MTIF2: variants seen among roughly 807,000 people sequenced by gnomAD.
MTIF2 encodes mitochondrial translational initiation factor 2, also known as translation initiation factor IF-2, mitochondrial.
MTIF2 carries 71 observed loss-of-function variants against 83.5 expected under a neutral mutation model. The observed-to-expected ratio is 0.85, with a 90% CI of 0.70 to 1.04. The LOEUF (loss-of-function observed/expected upper bound fraction) is 1.04, where lower values mean the gene tolerates loss of function less well. MTIF2 is among the 50% of genes least tolerant of loss of function. The probability of loss-of-function intolerance (pLI) is 0.00; values close to 1 mark genes in which losing one functional copy is unlikely to be tolerated. For missense variants in MTIF2, 957 were observed against 846.5 expected (o/e 1.13, Z -1.62); for synonymous variants, 319 against 287.1 (o/e 1.11, Z -1.12).
chr2:55,240,645 G>A (rs1013104095), intron 13 of MTIF2, among the ~76,000 whole-genome samples: 6 of 152,094 alleles, frequency 3.9e-5, no homozygotes, highest in African/African-American at 9.7e-5. Context: ...AAACTAGTAC[G>A]TTTTCCAATT....
chr2:55,254,427 T>G (rs1009273160), intron 6 of MTIF2, among the ~76,000 whole-genome samples: 3 of 152,202 alleles, frequency 2.0e-5, no homozygotes, highest in African/African-American at 7.2e-5. Context: ...GAATCAAATT[T>G]GAAAATTCAG....
chr2:55,246,265 A>G, intron 10 of MTIF2, 72 bp downstream of exon 10: 9 of 1,452,250 alleles, frequency 6.2e-6, no homozygotes, highest in Non-Finnish European at 7.4e-6. Flanking sequence ...AACAAAAATA[A>G]TACATTGTCA....
intron 5 of MTIF2, among the ~76,000 whole-genome samples, chr2:55,261,443 TA>T (rs879893110): frequency 2.6e-3 from 362 of 138,058 alleles, no homozygotes; most frequent in Middle Eastern, 3.7e-3. Flanking sequence ...CCGTCTCTAC[TA>T]AAAAAAAAAA....
intron 3 of MTIF2, among the ~76,000 whole-genome samples, chr2:55,267,315 C>A (rs1678510865): frequency 6.6e-6 from 1 of 151,780 alleles, no homozygotes; most frequent in African/African-American, 2.4e-5. Context: ...TGCCAGCACA[C>A]CCGGCTAATT....
rs1678612697 is a variant in MTIF2 at position 55,268,684 on chromosome 2, C to T, written c.-181G>A. 1 of 152,270 alleles carries T rather than the reference C, an allele frequency of 6.6e-6. No individual in the cohort carries two copies. The highest frequency in any genetic ancestry group is 1.5e-5 in the Non-Finnish European group (1 of 68,090). 9.4% of individuals were successfully genotyped at this position (152,270 alleles called of 1,614,324 possible). On this transcript the variant is annotated 5_prime_UTR_variant, in exon 2 of 16. Transcript: ENST00000263629. The stretch of plus-strand genomic sequence containing the variant: ...ATGGCAGTCAAGACTAGAACCCAGA[C>T]GTTCTGACTCCCAGTACGGTGTTGT...
chr2:55,266,763 CTTTT>C (rs1216777992), intron 3 of MTIF2, among the ~76,000 whole-genome samples: 31 of 86,302 alleles, frequency 3.6e-4, no homozygotes, highest in Non-Finnish European at 6.6e-4. Flanking sequence ...ACATTTCATT[CTTTT>C]TTTTTTTTTT....
chr2:55,263,664 C>T lies in MTIF2; in HGVS notation c.195G>A (p.Gln65=), dbSNP rs545931314. 4 of 1,612,958 alleles carry T rather than the reference C, an allele frequency of 2.5e-6. No individual in the cohort carries two copies. Among genetic ancestry groups the T allele is most frequent in the East Asian group, 4.5e-5 (2 of 44,868 alleles). Residue 65 remains glutamine (Q), a synonymous_variant, in exon 4 of 16, where the codon CAG becomes CAA. Transcript: ENST00000263629. The part of the protein sequence containing the change: ...TDVLTGAALS[Q]YRLLVTKKEE... ...CCTTTTTTGTTACTAGAAGCCTATA[C>T]TGAGATAAAGCAGCCCCAGTGAGCA...
At chr2:55,237,479 A>G in intron 14 of MTIF2, 51 bp from the exon 15 acceptor site, 1 of 1,516,044 alleles carries the variant, frequency 6.6e-7, no homozygotes, top group Non-Finnish European at 8.8e-7. Context: ...ATTCTGATAA[A>G]TACGTAATTT....
chr2:55,239,545 G>A (rs1393668780), intron 14 of MTIF2, among the ~76,000 whole-genome samples: 2 of 151,880 alleles, frequency 1.3e-5, no homozygotes, highest in African/African-American at 4.8e-5. Context: ...AACAGATGAG[G>A]TGATTTAATC....
intron 5 of MTIF2, among the ~76,000 whole-genome samples, chr2:55,255,872 T>C (rs1466083792): frequency 6.6e-6 from 1 of 152,002 alleles, no homozygotes; most frequent in Non-Finnish European, 1.5e-5. Context: ...ACCTGAGTAC[T>C]GATTTTTTTC....
At chr2:55,246,274 CA>C in intron 10 of MTIF2, 62 bp downstream of exon 10, 1 of 1,492,106 alleles carries the variant, frequency 6.7e-7, no homozygotes, top group Non-Finnish European at 9.1e-7. Context: ...AATACATTGT[CA>C]TATAATCAAG....
chr2:55,260,460 T>G (rs1487865541), intron 5 of MTIF2, among the ~76,000 whole-genome samples: 4 of 150,874 alleles, frequency 2.7e-5, no homozygotes, highest in African/African-American at 9.8e-5. Context: ...TTTGTAAGGA[T>G]GTACATGCAC....
chr2:55,252,600 C>T lies in MTIF2; in HGVS notation c.718G>A (p.Ala240Thr). Residue 240 changes from alanine to threonine, a missense_variant, in exon 8 of 16, where the codon GCT becomes ACT. Around this residue, in one of 3 missense-constraint regions of MTIF2, gnomAD observed 733 missense variants for 648.7 expected, o/e 1.13. Transcript: ENST00000263629. ...CCTCTGGCTCTCATTGCTGAGAAAG[C>T]AGCATGTCCTGGAGTATCAAGAAAA... ...ITFLDTPGHA[A>T]FSAMRARGAQ... The T allele has an allele frequency of 6.2e-7, 1 of 1,614,128 alleles. No individual in the cohort carries two copies. The highest frequency in any genetic ancestry group is 1.1e-5 in the South Asian group (1 of 91,086).
At chr2:55,251,412 T>A (rs901920380) in intron 8 of MTIF2, among the ~76,000 whole-genome samples, 6 of 152,164 alleles carry the variant, frequency 3.9e-5, no homozygotes, top group African/African-American at 1.4e-4. Context: ...TGAAAATTAG[T>A]GTATAATTGT....
At chr2:55,239,464 T>G (rs1193760889) in intron 14 of MTIF2, among the ~76,000 whole-genome samples, 1 of 152,062 alleles carries the variant, frequency 6.6e-6, no homozygotes, top group Non-Finnish European at 1.5e-5. Context: ...GCAATTTTTC[T>G]GGAAATTTAA....
intron 12 of MTIF2, 24 bp downstream of exon 12, chr2:55,243,392 A>G: frequency 6.4e-7 from 1 of 1,559,986 alleles, no homozygotes; most frequent in Non-Finnish European, 8.7e-7. Context: ...AATGAACTGT[A>G]ATGTAAAATC....
chr2:55,248,619 T>C (rs1031119471), intron 9 of MTIF2, among the ~76,000 whole-genome samples: 6 of 152,222 alleles, frequency 3.9e-5, no homozygotes, highest in Non-Finnish European at 7.3e-5. Context: ...GATGGTAATC[T>C]TAAAGAAAAT....
chr2:55,237,566 T>A (rs2104256838), intron 14 of MTIF2, 138 bp from the exon 15 acceptor site: 1 of 614,136 alleles, frequency 1.6e-6, no homozygotes, highest in Non-Finnish European at 2.5e-6. Flanking sequence ...TGGGTTTCTT[T>A]AACTCCAATT....
Position 55,236,854 on chromosome 2 carries a change from A to G in MTIF2, c.2012-34T>C, listed in dbSNP as rs549880441. 553 of 1,472,622 alleles carry G rather than the reference A, an allele frequency of 3.8e-4. 10 individuals carry two copies. The South Asian group carries it at 6.9e-3, about 18-fold the overall frequency. The allele number at this position is 1,472,622 out of a possible 1,614,324, so 91.2% of individuals were successfully genotyped here. The stretch of plus-strand genomic sequence containing the variant: ...AGATAATTTAAGGTTAGTATATTCA[A>G]TAAATGATAAGTACCTACTAAATAC... On this transcript the variant is annotated intron_variant, in intron 15 of 15. Transcript: ENST00000263629.
Sources: allele counts gnomAD v4.1 joint callset (sites outside exome capture counted in the v4.1 genomes callset), GRCh38; gene constraint gnomAD v4.1.1; regional missense constraint gnomAD v4.1.1; transcripts MANE v1.5; gene names NCBI Gene and HGNC (gene_info 2026-07-23, HGNC 2026-07-21).